Variants in ICAM4 observed in about 807,000 individuals in gnomAD.
The protein encoded by ICAM4 is intercellular adhesion molecule 4.
Under a neutral mutation model 18.8 loss-of-function variants are expected in ICAM4, and 16 were observed. The observed-to-expected ratio is 0.85, with a 90% confidence interval of 0.58 to 1.29. The LOEUF is 1.29. Ranked by LOEUF, ICAM4 falls within the 50% of genes most tolerant of loss-of-function variation. The pLI is 0.00. For missense variants in ICAM4, 338 were observed against 364.3 expected (o/e 0.93, Z 0.59); for synonymous variants, 163 against 163.2 (o/e 1.00, Z 0.01).
At position 10,287,480 on chromosome 19, in the gene ICAM4, A is replaced by C; in HGVS notation, c.395-56A>C. On this transcript the variant is annotated intron_variant, in intron 1 of 2. Coordinates refer to ENST00000380770, the MANE Select transcript of ICAM4 (RefSeq NM_001544.5). This position sits in a 1 kb window ranked among gnomAD's most constrained non-coding sequence, Gnocchi z 8.7. ...AAGAGGTGGGGGAAGGGTAGTTGACAGTCGCTCTATAGGGAGCGCCCGCGG... is the reference window on the plus strand; with the variant it reads ...AAGAGGTGGGGGAAGGGTAGTTGACCGTCGCTCTATAGGGAGCGCCCGCGG... 6.3e-7 allele frequency: 1 copy of C among 1,593,132 alleles called. No individual in the cohort carries two copies. The highest frequency in any genetic ancestry group is 2.2e-5 in the East Asian group (1 of 44,674).
chr19:10,286,991 C>T lies in ICAM4; in HGVS notation c.-22C>T, dbSNP rs35803059. The T allele has an allele frequency of 6.0e-4, 897 of 1,488,176 alleles. 12 individuals carry two copies. The East Asian group carries it at 0.018, about 29-fold the overall frequency. 92.2% of individuals were successfully genotyped at this position (1,488,176 alleles called of 1,614,324 possible). On this transcript the variant is annotated 5_prime_UTR_variant, in exon 1 of 3. Transcript: ENST00000380770. ...CGGCCCTGGCTCTCTGGCGCGGGGC[C>T]CCTTAGTCCGGGCTTTTTGCCATGG...
Position 10,288,291 on chromosome 19 carries a change from T to C in ICAM4, c.*187T>C. 1 of 875,888 alleles carries C rather than the reference T, an allele frequency of 1.1e-6. No homozygotes were observed. The highest frequency in any genetic ancestry group is 1.8e-6 in the Non-Finnish European group (1 of 554,680). 54.3% of individuals were successfully genotyped at this position (875,888 alleles called of 1,614,324 possible). A position where few individuals can be genotyped will look rare whatever the true frequency, so the allele number is the denominator to read the frequency against. On this transcript the variant is annotated 3_prime_UTR_variant, in exon 3 of 3. Transcript: ENST00000380770. The stretch of plus-strand genomic sequence containing the variant: ...AGTGAGACCCCGTCTATGCAAAAAA[T>C]ACACAAATTAGCCTGGTGTGGTGGC...
At position 10,287,885 on chromosome 19, in the gene ICAM4, A is replaced by G; in HGVS notation, c.697+47A>G. 3 of 1,607,572 alleles carry G rather than the reference A, an allele frequency of 1.9e-6. No individual in the cohort carries two copies. Among genetic ancestry groups the G allele is most frequent in the African/African-American group, 1.3e-5 (1 of 74,936 alleles). On this transcript the variant is annotated intron_variant, in intron 2 of 2. Transcript: ENST00000380770. This position sits in a 1 kb window ranked among gnomAD's most constrained non-coding sequence, Gnocchi z 8.7. Reference sequence around the variant, plus strand: ...GGGGACTAGGAGGAAGGGGGCAGAGAGAGTTATGACCCCGAGAGGGCGCAC... The same window carrying G: ...GGGGACTAGGAGGAAGGGGGCAGAGGGAGTTATGACCCCGAGAGGGCGCAC...
In ICAM4 at chr19:10,288,246, G is replaced by C. The variant is rs55695233; in HGVS notation, c.*142G>C. On this transcript the variant is annotated 3_prime_UTR_variant, in exon 3 of 3. Transcript: ENST00000380770. ...GAGAATCGCTTGAGCCCAGGAGTTC[G>C]AGACCAGCCTGGACAACATAGTGAG... 4.5e-6 allele frequency: 6 copies of C among 1,324,184 alleles called. No individual in the cohort carries two copies. The highest frequency in any genetic ancestry group is 6.4e-6 in the Non-Finnish European group (6 of 935,794). The allele number at this position is 1,324,184 out of a possible 1,614,324, so 82.0% of individuals were successfully genotyped here. A position where few individuals can be genotyped will look rare whatever the true frequency, so the allele number is the denominator to read the frequency against.
At position 10,287,881 on chromosome 19, in the gene ICAM4, A is replaced by C; in HGVS notation, c.697+43A>C. ...CCCTGGGGACTAGGAGGAAGGGGGCAGAGAGAGTTATGACCCCGAGAGGGC... is the reference window on the plus strand; with the variant it reads ...CCCTGGGGACTAGGAGGAAGGGGGCCGAGAGAGTTATGACCCCGAGAGGGC... On this transcript the variant is annotated intron_variant, in intron 2 of 2. Coordinates refer to ENST00000380770, the MANE Select transcript of ICAM4 (RefSeq NM_001544.5). This position sits in a 1 kb window ranked among gnomAD's most constrained non-coding sequence, Gnocchi z 8.7. The C allele has an allele frequency of 1.2e-6, 2 of 1,607,618 alleles. No individual in the cohort carries two copies. The highest frequency in any genetic ancestry group is 1.7e-4 in the Middle Eastern group (1 of 6,052).
rs55658286 is a variant in ICAM4 at position 10,288,237 on chromosome 19, C to T, written c.*133C>T. On this transcript the variant is annotated 3_prime_UTR_variant, in exon 3 of 3. Transcript: ENST00000380770. ...CCGAGGCAGGAGAATCGCTTGAGCCCAGGAGTTCGAGACCAGCCTGGACAA... is the reference window on the plus strand; with the variant it reads ...CCGAGGCAGGAGAATCGCTTGAGCCTAGGAGTTCGAGACCAGCCTGGACAA... 2 of 1,433,252 alleles carry T rather than the reference C, an allele frequency of 1.4e-6. No individual in the cohort carries two copies. The highest frequency in any genetic ancestry group is 9.7e-7 in the Non-Finnish European group (1 of 1,031,218). The allele number at this position is 1,433,252 out of a possible 1,614,324, so 88.8% of individuals were successfully genotyped here.
At position 10,288,330 on chromosome 19, in the gene ICAM4, C is replaced by T; in HGVS notation, c.*226C>T. 1.5e-6 allele frequency: 1 copy of T among 672,904 alleles called. No homozygotes were observed. The highest frequency in any genetic ancestry group is 2.8e-5 in the East Asian group (1 of 35,924). The allele number at this position is 672,904 out of a possible 1,614,324, so 41.7% of individuals were successfully genotyped here. On this transcript the variant is annotated 3_prime_UTR_variant, in exon 3 of 3. Transcript: ENST00000380770. ...TGGTGTGGTGGCCCGCACCTGTGGT[C>T]CCAGCTACCCGGGAGGCTGAGTTGG...
Position 10,287,656 on chromosome 19 carries a change from G to A in ICAM4, c.515G>A (p.Ser172Asn), listed in dbSNP as rs1414240202. ...GYLVVTLRHG[S>N]RVIYSESLER... ...TTGGTGGTGACCCTGAGGCATGGAAGCCGGGTCATCTATTCCGAAAGCCTG... is the reference window on the plus strand; with the variant it reads ...TTGGTGGTGACCCTGAGGCATGGAAACCGGGTCATCTATTCCGAAAGCCTG... Residue 172 changes from serine to asparagine, a missense_variant, in exon 2 of 3, where the codon AGC becomes AAC. Ser to Asn is a conservative substitution (Grantham distance 46). Transcript: ENST00000380770. This position sits in a 1 kb window ranked among gnomAD's most constrained non-coding sequence, Gnocchi z 8.7. 6.2e-7 allele frequency: 1 copy of A among 1,614,140 alleles called. No homozygotes were observed. The highest frequency in any genetic ancestry group is 8.5e-7 in the Non-Finnish European group (1 of 1,180,016).
At position 10,287,613 on chromosome 19, in the gene ICAM4, G is replaced by T; in HGVS notation, c.472G>T (p.Val158Leu). The stretch of plus-strand genomic sequence containing the variant: ...CACTTTGCGCTGCCACGTGACGCAG[G>T]TGTTCCCGGTGGGCTACTTGGTGGT... Reference protein sequence around the residue: ...KYTLRCHVTQVFPVGYLVVTL... With the variant: ...KYTLRCHVTQLFPVGYLVVTL... Residue 158 changes from valine to leucine, a missense_variant, in exon 2 of 3, where the codon GTG becomes TTG. Coordinates refer to ENST00000380770, the MANE Select transcript of ICAM4 (RefSeq NM_001544.5). This position sits in a 1 kb window ranked among gnomAD's most constrained non-coding sequence, Gnocchi z 8.7. 1 of 1,614,132 alleles carries T rather than the reference G, an allele frequency of 6.2e-7. No individual in the cohort carries two copies. The highest frequency in any genetic ancestry group is 8.5e-7 in the Non-Finnish European group (1 of 1,180,016).
rs141882537 is a variant in ICAM4, at chr19:10,287,194, C to T, written c.182C>T (p.Pro61Leu). The change falls in exon 1 of 3, where the codon CCG becomes CTG. Residue 61 changes from proline to leucine, a missense_variant. Coordinates refer to ENST00000380770, the MANE Select transcript of ICAM4 (RefSeq NM_001544.5). The surrounding 1 kb of genome is among the most constrained non-coding windows in gnomAD (Gnocchi z 8.7). ...AGCCCGGAGTTCGTGGCTGTGCAGC[C>T]GGGGAAGTCAGTGCAGCTCAATTGC... is the stretch of plus-strand genomic sequence containing the variant. ...RMSPEFVAVQ[P>L]GKSVQLNCSN... The T allele has an allele frequency of 2.2e-4, 359 of 1,612,256 alleles. No individual in the cohort carries two copies. The highest frequency in any genetic ancestry group is 2.7e-4 in the Non-Finnish European group (321 of 1,179,310).
Position 10,288,030 on chromosome 19 carries a change from G to C in ICAM4, c.742G>C (p.Ala248Pro). The C allele has an allele frequency of 6.2e-7, 1 of 1,614,146 alleles. No homozygotes were observed. The highest frequency in any genetic ancestry group is 1.1e-5 in the South Asian group (1 of 91,088). The change falls in exon 3 of 3, where the codon GCC becomes CCC. Residue 248 changes from alanine to proline, a missense_variant. Physicochemically the swap from Ala to Pro is conservative, Grantham distance 27. Transcript: ENST00000380770. ...AGCTTTGGCCTCCGGTTCCATCGCT[G>C]CCCTTGTAGGGATCCTCCTCACTGT... ...PTALASGSIA[A>P]LVGILLTVGA... is the part of the protein sequence containing the mutation.
Position 10,288,135 on chromosome 19 carries a change from A to T in ICAM4, c.*31A>T. 2 of 1,614,144 alleles carry T rather than the reference A, an allele frequency of 1.2e-6. No homozygotes were observed. The highest frequency in any genetic ancestry group is 2.2e-5 in the East Asian group (1 of 44,886). On this transcript the variant is annotated 3_prime_UTR_variant, in exon 3 of 3. Transcript: ENST00000380770. ...GATGTTCTATGCCGGCTGAGCGAGA[A>T]AAAGAGGAATATGAAACAATCTGGG...
chr19:10,288,274 C>T lies in ICAM4; in HGVS notation c.*170C>T, dbSNP rs2040138796. ...ACCAGCCTGGACAACATAGTGAGACCCCGTCTATGCAAAAAATACACAAAT... is the reference window on the plus strand; with the variant it reads ...ACCAGCCTGGACAACATAGTGAGACTCCGTCTATGCAAAAAATACACAAAT... On this transcript the variant is annotated 3_prime_UTR_variant, in exon 3 of 3. Transcript: ENST00000380770. 27 of 992,432 alleles carry T rather than the reference C, an allele frequency of 2.7e-5. 1 individual carries two copies. In the South Asian group the frequency reaches 3.6e-4, roughly 13 times the overall value. 61.5% of individuals were successfully genotyped at this position (992,432 alleles called of 1,614,324 possible).
Position 10,288,276 on chromosome 19 carries a change from C to A in ICAM4, c.*172C>A. ...CAGCCTGGACAACATAGTGAGACCC[C>A]GTCTATGCAAAAAATACACAAATTA... On this transcript the variant is annotated 3_prime_UTR_variant, in exon 3 of 3. Coordinates refer to ENST00000380770, the MANE Select transcript of ICAM4 (RefSeq NM_001544.5). The A allele has an allele frequency of 1.0e-6, 1 of 984,564 alleles. No individual in the cohort carries two copies. The highest frequency in any genetic ancestry group is 1.4e-5 in the South Asian group (1 of 71,238). 61.0% of individuals were successfully genotyped at this position (984,564 alleles called of 1,614,324 possible). A position where few individuals can be genotyped will look rare whatever the true frequency, so the allele number is the denominator to read the frequency against.
In ICAM4 at chr19:10,287,190, C is replaced by G. The variant is rs767806114; in HGVS notation, c.178C>G (p.Gln60Glu). ...VRMSPEFVAV[Q>E]PGKSVQLNCS... is the part of the protein sequence containing the mutation. ...CATGAGCCCGGAGTTCGTGGCTGTG[C>G]AGCCGGGGAAGTCAGTGCAGCTCAA... Residue 60 changes from glutamine to glutamate, a missense_variant, in exon 1 of 3, where the codon CAG becomes GAG. Physicochemically the swap from Gln to Glu is conservative, Grantham distance 29. Coordinates refer to ENST00000380770, the MANE Select transcript of ICAM4 (RefSeq NM_001544.5). This position sits in a 1 kb window ranked among gnomAD's most constrained non-coding sequence, Gnocchi z 8.7. The G allele has an allele frequency of 6.2e-7, 1 of 1,612,040 alleles. No individual in the cohort carries two copies. The highest frequency in any genetic ancestry group is 1.1e-5 in the South Asian group (1 of 90,954).
At position 10,287,250 on chromosome 19, in the gene ICAM4, A is replaced by G. The variant is rs2040120483; in HGVS notation, c.238A>G (p.Ser80Gly). ...SNSCPQPQNS[S>G]LRTPLRQGKT... The stretch of plus-strand genomic sequence containing the variant: ...CAGCTGTCCCCAGCCGCAGAATTCC[A>G]GCCTCCGCACCCCGCTGCGGCAAGG... The change falls in exon 1 of 3, where the codon AGC (serine) becomes GGC (glycine). Residue 80 changes from serine (S) to glycine (G), a missense_variant. Physicochemically the swap from Ser to Gly is moderately conservative, Grantham distance 56. Coordinates refer to ENST00000380770, the MANE Select transcript of ICAM4 (RefSeq NM_001544.5). The surrounding 1 kb of genome is among the most constrained non-coding windows in gnomAD (Gnocchi z 8.7). 1 of 1,613,386 alleles carries G rather than the reference A, an allele frequency of 6.2e-7. No homozygotes were observed. Among genetic ancestry groups the G allele is most frequent in the Admixed American group, 1.7e-5 (1 of 59,998 alleles).
At position 10,287,105 on chromosome 19, in the gene ICAM4, G is replaced by A. The variant is rs1427112148; in HGVS notation, c.93G>A (p.Ala31=). 1.3e-6 allele frequency: 2 copies of A among 1,599,174 alleles called. No individual in the cohort carries two copies. The highest frequency in any genetic ancestry group is 1.7e-5 in the Admixed American group (1 of 58,834). ...CGCTGGGACGCCGGACTAAGCGGGC[G>A]CAAAGCCCCAAGGGTAGCCCTCTCG... ...GSALGRRTKR[A]QSPKGSPLAP... Residue 31 remains alanine (A), a synonymous_variant, in exon 1 of 3, where the codon GCG becomes GCA. Coordinates refer to ENST00000380770, the MANE Select transcript of ICAM4 (RefSeq NM_001544.5). This position sits in a 1 kb window ranked among gnomAD's most constrained non-coding sequence, Gnocchi z 8.7.
At position 10,287,986 on chromosome 19, in the gene ICAM4, C is replaced by T. The variant is rs2040133811; in HGVS notation, c.698C>T (p.Ala233Val). ...NSSAPITLML[A>V]WSPAPTALAS... The stretch of plus-strand genomic sequence containing the variant: ...CCTAATTCTCGCCTTCTGCTCCCAG[C>T]TTGGAGCCCCGCGCCCACAGCTTTG... The change falls in exon 3 of 3, where the codon GCT (alanine) becomes GTT (valine). Residue 233 changes from alanine to valine, a missense_variant and splice_region_variant. Transcript: ENST00000380770. The surrounding 1 kb of genome is among the most constrained non-coding windows in gnomAD (Gnocchi z 8.7). 6.2e-7 allele frequency: 1 copy of T among 1,613,994 alleles called. No homozygotes were observed. Among genetic ancestry groups the T allele is most frequent in the South Asian group, 1.1e-5 (1 of 91,094 alleles).
In ICAM4 at chr19:10,286,973, G is replaced by C. The variant is rs766186777; in HGVS notation, c.-40G>C. ...CCTCCTTATCTCTAGAGCCGGCCCTGGCTCTCTGGCGCGGGGCCCCTTAGT... is the reference window on the plus strand; with the variant it reads ...CCTCCTTATCTCTAGAGCCGGCCCTCGCTCTCTGGCGCGGGGCCCCTTAGT... On this transcript the variant is annotated 5_prime_UTR_variant, in exon 1 of 3. Transcript: ENST00000380770. 1.4e-6 allele frequency: 2 copies of C among 1,472,186 alleles called. No individual in the cohort carries two copies. The highest frequency in any genetic ancestry group is 2.8e-5 in the South Asian group (2 of 71,696). 91.2% of individuals were successfully genotyped at this position (1,472,186 alleles called of 1,614,324 possible). A position where few individuals can be genotyped will look rare whatever the true frequency, so the allele number is the denominator to read the frequency against.
Sources: allele counts gnomAD v4.1 joint callset, GRCh38; gene constraint gnomAD v4.1.1; non-coding constraint Gnocchi (gnomAD v3.1); transcripts MANE v1.5; gene names NCBI Gene and HGNC (gene_info 2026-07-23, HGNC 2026-07-21).